The following ZFAND2A variants were observed in gnomAD, a reference collection of about 807,000 sequenced individuals.
The protein encoded by ZFAND2A is zinc finger AN1-type containing 2A, also known as AN1-type zinc finger protein 2A.
Under a neutral mutation model 11.6 loss-of-function variants are expected in ZFAND2A, and 20 were observed. The observed-to-expected ratio is 1.72, with a 90% CI of 1.21 to 2.50. The LOEUF (loss-of-function observed/expected upper bound fraction) is 2.50. Ranked by LOEUF, ZFAND2A falls within the 30% of genes most tolerant of loss-of-function variation. ZFAND2A has a pLI of 0.00. For missense variants in ZFAND2A, 234 were observed against 182.9 expected (o/e 1.28, Z -1.61); for synonymous variants, 93 against 60.6 (o/e 1.54, Z -2.48).
At chr7:1,157,219 G>A (rs1356578344) in intron 3 of ZFAND2A, 1 of 153,342 alleles carries the variant, frequency 6.5e-6, no homozygotes, top group Admixed American at 6.5e-5. Flanking sequence ...TGTCAAGGCT[G>A]CAGTTATTCA....
intron 3 of ZFAND2A, 172 bp downstream of exon 3, chr7:1,157,484 C>T (rs1793556130): frequency 1.7e-6 from 1 of 585,834 alleles, no homozygotes; most frequent in East Asian, 3.1e-5. Context: ...ACACGCTCCT[C>T]TGTACTGCCT....
rs752876961 is a variant in ZFAND2A at position 1,157,657 on chromosome 7, T to C, written c.149A>G (p.Lys50Arg). 36 of 1,578,002 alleles carry C rather than the reference T, an allele frequency of 2.3e-5. 3 individuals carry two copies. The Middle Eastern group carries it at 5.0e-3, about 219-fold the overall frequency. ...TCTTTTGAACAAAGGATCAATTACCTTCTGGAATGCAAACGGACACTTATG... is the reference window on the plus strand; with the variant it reads ...TCTTTTGAACAAAGGATCAATTACCCTCTGGAATGCAAACGGACACTTATG... ...AAHKCPFAFQ[K>R]DVHVPVCPLC... The change falls in exon 3 of 5, where the codon AAG (lysine) becomes AGG (arginine). Residue 50 changes from lysine to arginine, a missense_variant and splice_region_variant. Lys to Arg is a conservative substitution (Grantham distance 26, BLOSUM62 2). Transcript: ENST00000316495.
At position 1,157,745 on chromosome 7, in the gene ZFAND2A, G is replaced by T. The variant is rs763350646; in HGVS notation, c.61C>A (p.Leu21Ile). Residue 21 changes from leucine (L) to isoleucine (I), a missense_variant, in exon 3 of 5, where the codon CTT becomes ATT. Coordinates refer to ENST00000316495, the MANE Select transcript of ZFAND2A (RefSeq NM_182491.4). ...SEKTCKQLDFLPVKCDACKQD... is the reference protein window; with the variant it reads ...SEKTCKQLDFIPVKCDACKQD... Reference sequence around the variant, plus strand: ...TTACATGCATCACATTTTACTGGAAGAAAATCTAAAAAACAAAAAACAGGG... The same window carrying T: ...TTACATGCATCACATTTTACTGGAATAAAATCTAAAAAACAAAAAACAGGG... 4 of 1,548,222 alleles carry T rather than the reference G, an allele frequency of 2.6e-6. No individual in the cohort carries two copies. In the African/African-American group the frequency reaches 4.2e-5, roughly 16 times the overall value.
At chr7:1,158,721 G>A (rs1793594205) in intron 1 of ZFAND2A, among the ~76,000 whole-genome samples, 1 of 152,216 alleles carries the variant, frequency 6.6e-6, no homozygotes, top group South Asian at 2.1e-4. Context: ...GAATCTTACT[G>A]TGAACTTATT....
downstream of ZFAND2A, among the ~76,000 whole-genome samples, chr7:1,148,990 G>A (rs1022002573): frequency 3.3e-5 from 5 of 151,608 alleles, no homozygotes; most frequent in Admixed American, 2.0e-4. Context: ...GAGAGACAAC[G>A]TCTTACTACA....
At chr7:1,159,107 C>A (rs4075937) in intron 1 of ZFAND2A, among the ~76,000 whole-genome samples, 81,301 of 151,890 alleles carry the variant, frequency 0.54, 22,347 homozygotes, top group Non-Finnish European at 0.59. Flanking sequence ...CTATGTTACA[C>A]GCCCGCTACT....
At position 1,155,573 on chromosome 7, in the gene ZFAND2A, G is replaced by A; in HGVS notation, c.162C>T (p.Val54=). ...GGGTATTACAGAGTGGGCATACTGG[G>A]ACGTGAACATCCTAAAAATAACAAA... ...CPFAFQKDVH[V]PVCPLCNTPI... Residue 54 remains valine (V), a synonymous_variant, in exon 4 of 5, where the codon GTC becomes GTT. Coordinates refer to ENST00000316495, the MANE Select transcript of ZFAND2A (RefSeq NM_182491.4). The A allele has an allele frequency of 6.2e-7, 1 of 1,611,922 alleles. No homozygotes were observed. The highest frequency in any genetic ancestry group is 2.2e-5 in the East Asian group (1 of 44,862).
At chr7:1,157,806 T>A (rs111476768) in intron 2 of ZFAND2A, 56 bp from the exon 3 acceptor site, 2 of 1,334,222 alleles carry the variant, frequency 1.5e-6, no homozygotes, top group African/African-American at 3.0e-5. Flanking sequence ...TACTTCCAGA[T>A]AGTACTATCA....
At chr7:1,150,374 T>G (rs1442974680), downstream of ZFAND2A, among the ~76,000 whole-genome samples, 1 of 143,656 alleles carries the variant, frequency 7.0e-6, no homozygotes, top group Admixed American at 6.8e-5. Context: ...CAGCGGGACA[T>G]CTGGTGGGCA....
downstream of ZFAND2A, among the ~76,000 whole-genome samples, chr7:1,150,816 TTTC>T (rs1793383861): frequency 6.6e-6 from 1 of 152,110 alleles, no homozygotes; most frequent in Non-Finnish European, 1.5e-5. Context: ...ATTTTGCAAC[TTTC>T]TTGTTGGTGC....
downstream of ZFAND2A, among the ~76,000 whole-genome samples, chr7:1,150,487 C>G (rs556525160): frequency 6.6e-6 from 1 of 152,220 alleles, no homozygotes; most frequent in Non-Finnish European, 1.5e-5. Context: ...TCACTGCACT[C>G]TTGATGAGCA....
At chr7:1,149,200 A>G (rs1445528610), downstream of ZFAND2A, among the ~76,000 whole-genome samples, 2 of 152,228 alleles carry the variant, frequency 1.3e-5, no homozygotes, top group Non-Finnish European at 2.9e-5. Flanking sequence ...GCAGATTCAC[A>G]GTTCACACAC....
intron 4 of ZFAND2A, among the ~76,000 whole-genome samples, chr7:1,154,173 C>G (rs1467064197): frequency 6.7e-6 from 1 of 150,266 alleles, no homozygotes; most frequent in Non-Finnish European, 1.5e-5. Flanking sequence ...TGTCCCAGTA[C>G]CCACCGGTCA....
downstream of ZFAND2A, chr7:1,152,479 A>G: frequency 9.3e-7 from 1 of 1,080,442 alleles, no homozygotes; most frequent in Non-Finnish European, 1.3e-6. Context: ...GCAACAGTTG[A>G]GGCAAATACA....
downstream of ZFAND2A, among the ~76,000 whole-genome samples, chr7:1,149,681 G>A (rs1793362486): frequency 6.6e-6 from 1 of 152,170 alleles, no homozygotes; most frequent in African/African-American, 2.4e-5. Flanking sequence ...CATAGCCTGT[G>A]GCTCCCAGGC....
chr7:1,155,717 G>A, intron 3 of ZFAND2A, 133 bp from the exon 4 acceptor site: 2 of 1,159,082 alleles, frequency 1.7e-6, no homozygotes, highest in Non-Finnish European at 2.4e-6. Context: ...AGCCCTCCGA[G>A]AACAAAGCAT....
At chr7:1,151,762 T>TAAAAGAAAAAAAAAA (rs1554344525), downstream of ZFAND2A, among the ~76,000 whole-genome samples, 161 of 87,158 alleles carry the variant, frequency 1.8e-3, 6 homozygotes, top group Non-Finnish European at 2.4e-3. Flanking sequence ...TCATCCCTTT[T>TAAAAGAAAAAAAAAA]AAAAAAAAAA....
At chr7:1,157,610 C>T (rs777862685) in intron 3 of ZFAND2A, 46 bp downstream of exon 3, 2 of 1,545,298 alleles carry the variant, frequency 1.3e-6, no homozygotes, top group East Asian at 2.3e-5. Context: ...GACAGTGCAG[C>T]TTCAGACGGT....
Position 1,157,588 on chromosome 7 carries a change from C to T in ZFAND2A, c.150+68G>A, listed in dbSNP as rs540411823. On this transcript the variant is annotated intron_variant, in intron 3 of 4. Coordinates refer to ENST00000316495, the MANE Select transcript of ZFAND2A (RefSeq NM_182491.4). ...GTTAGCCATACGTCGCTAGTCCCTA[C>T]CATACCAGCAAGACAGTGCAGCTTC... 2.3e-5 allele frequency: 33 copies of T among 1,444,070 alleles called. No homozygotes were observed. The African/African-American group carries it at 4.2e-4, about 18-fold the overall frequency. 89.5% of individuals were successfully genotyped at this position (1,444,070 alleles called of 1,614,324 possible).
Sources: allele counts gnomAD v4.1 joint callset (sites outside exome capture counted in the v4.1 genomes callset), GRCh38; gene constraint gnomAD v4.1.1; transcripts MANE v1.5; gene names NCBI Gene and HGNC (gene_info 2026-07-23, HGNC 2026-07-21).